OIP5: variants seen among roughly 807,000 people sequenced by gnomAD.
The protein encoded by OIP5 is protein Mis18-beta.
In OIP5, 24 loss-of-function variants were observed where a neutral mutation model predicts 20.3. That is an observed-to-expected ratio of 1.18 (90% CI 0.86 to 1.66). OIP5 has a LOEUF of 1.66. Among genes scored for constraint, OIP5 ranks in the 40% most tolerant of loss-of-function variants. The probability of loss-of-function intolerance (pLI) is 0.00; values close to 1 mark genes in which losing one functional copy is unlikely to be tolerated. For synonymous variants in OIP5, 143 were observed against 121.3 expected, an observed-to-expected ratio of 1.18 and a Z score of -1.17; for missense variants, 339 against 289.5, an observed-to-expected ratio of 1.17 and a Z score of -1.24.
At chr15:41,327,391 C>G (rs8033864) in intron 2 of OIP5, among the ~76,000 whole-genome samples, 4 of 151,952 alleles carry the variant, frequency 2.6e-5, no homozygotes, top group Admixed American at 1.3e-4. Flanking sequence ...GTCATCCAGG[C>G]TGGTGTTGAA....
intron 3 of OIP5, among the ~76,000 whole-genome samples, chr15:41,315,689 AAT>A (rs979708541): frequency 5.9e-5 from 9 of 152,196 alleles, no homozygotes; most frequent in South Asian, 2.1e-4. Flanking sequence ...TTATGTTAAA[AAT>A]ATGTTACTAA....
At chr15:41,325,538 T>C (rs560595785) in intron 2 of OIP5, among the ~76,000 whole-genome samples, 1 of 150,590 alleles carries the variant, frequency 6.6e-6, no homozygotes, top group African/African-American at 2.4e-5. Context: ...AACCTTCAAT[T>C]TGTTAAAAAA....
intron 1 of OIP5, 113 bp downstream of exon 1, chr15:41,332,127 C>A: frequency 7.2e-7 from 1 of 1,379,906 alleles, no homozygotes; most frequent in Non-Finnish European, 1.0e-6. Flanking sequence ...TTATTTGCTT[C>A]CAACTTTTCA....
rs1487261382 is a variant in OIP5 at position 41,314,930 on chromosome 15, C to G, written c.513-1576G>C. ...TACAGCTGTGAGCCAACATGCCTGG[C>G]CAGCGAAACCCCATCTCTACAAAAA... On this transcript the variant is annotated intron_variant, in intron 3 of 4. Transcript: ENST00000220514. 5.3e-5 allele frequency among the ~76,000 whole-genome samples: 8 copies of G among 151,450 alleles called. No individual in the cohort carries two copies. The East Asian group carries it at 1.6e-3, about 30-fold the overall frequency.
chr15:41,318,184 A>G (rs2047799844), intron 3 of OIP5, among the ~76,000 whole-genome samples: 1 of 152,130 alleles, frequency 6.6e-6, no homozygotes, highest in African/African-American at 2.4e-5. Flanking sequence ...TTTTTCTGAG[A>G]CAGAGTCTAG....
intron 4 of OIP5, among the ~76,000 whole-genome samples, chr15:41,310,544 G>A (rs1595497527): frequency 6.6e-6 from 1 of 151,506 alleles, no homozygotes; most frequent in Non-Finnish European, 1.5e-5. Flanking sequence ...GCAAGAGAAT[G>A]AGTGAACCCA....
At chr15:41,328,306 A>T (rs1426742833) in intron 2 of OIP5, among the ~76,000 whole-genome samples, 2 of 152,362 alleles carry the variant, frequency 1.3e-5, no homozygotes, top group East Asian at 3.9e-4. Flanking sequence ...GGCGTGAGCC[A>T]GCATGATAAG....
rs1173395181 is a variant in OIP5, at chr15:41,326,120, C to T, written c.389+5795G>A. 2.0e-5 allele frequency among the ~76,000 whole-genome samples: 3 copies of T among 152,246 alleles called. No homozygotes were observed. In the East Asian group the frequency reaches 5.8e-4, roughly 29 times the overall value. On this transcript the variant is annotated intron_variant, in intron 2 of 4. Coordinates refer to ENST00000220514, the MANE Select transcript of OIP5 (RefSeq NM_007280.2). ...GAGGTTTCAGTGAGCCGAGATAATG[C>T]CACTGGACTCTAGCCTAGGTGACAG...
At chr15:41,312,793 T>C (rs1301730662) in intron 4 of OIP5, among the ~76,000 whole-genome samples, 1 of 151,138 alleles carries the variant, frequency 6.6e-6, no homozygotes, top group African/African-American at 2.4e-5. Flanking sequence ...CACGCCCGGC[T>C]AATTTTTTGT....
At chr15:41,316,607 A>G (rs2140460337) in intron 3 of OIP5, among the ~76,000 whole-genome samples, 1 of 151,742 alleles carries the variant, frequency 6.6e-6, no homozygotes, top group East Asian at 1.9e-4. Flanking sequence ...TGGCTAACAC[A>G]GTGAAACCCC....
intron 3 of OIP5, among the ~76,000 whole-genome samples, chr15:41,318,648 T>C (rs1054266011): frequency 1.3e-5 from 2 of 152,112 alleles, no homozygotes; most frequent in African/African-American, 4.8e-5. Context: ...GGTATGACTT[T>C]TAAGATATGG....
In OIP5 at chr15:41,327,429, G is replaced by A. The variant is rs143923769; in HGVS notation, c.389+4486C>T. ...CCTGACCTCGTGATCCTCCCGCCTC[G>A]GCCTCCCAAAGTGCTGGGATTACAG... On this transcript the variant is annotated intron_variant, in intron 2 of 4. Coordinates refer to ENST00000220514, the MANE Select transcript of OIP5 (RefSeq NM_007280.2). 1.6e-3 allele frequency among the ~76,000 whole-genome samples: 250 copies of A among 151,856 alleles called. 3 individuals carry two copies. The East Asian group carries it at 0.04, about 25-fold the overall frequency.
intron 1 of OIP5, 68 bp downstream of exon 1, chr15:41,332,172 C>A: frequency 6.8e-7 from 1 of 1,471,142 alleles, no homozygotes; most frequent in Middle Eastern, 1.8e-4. Flanking sequence ...CTCCGCCACC[C>A]GGTGGAGAAA....
intron 2 of OIP5, among the ~76,000 whole-genome samples, chr15:41,329,573 C>G (rs528912502): frequency 2.6e-5 from 4 of 152,244 alleles, no homozygotes; most frequent in African/African-American, 9.6e-5. Flanking sequence ...CTTGGCCTCC[C>G]AAAGTGCTGG....
intron 3 of OIP5, 133 bp from the exon 4 acceptor site, chr15:41,313,487 A>G (rs2047772008): frequency 1.7e-6 from 1 of 585,702 alleles, no homozygotes; most frequent in African/African-American, 1.9e-5. Context: ...AAGACTCATG[A>G]TGTTACAGTT....
chr15:41,332,566 C>T lies in OIP5; in HGVS notation c.-5G>A, dbSNP rs374158292. On this transcript the variant is annotated 5_prime_UTR_variant, in exon 1 of 5. Transcript: ENST00000220514. Reference sequence around the variant, plus strand: ...CCGCAGCGGCTGAGCCGCCATCTTCCCGCAGCCGGCGCCTTCCTTTCGAAT... The same window carrying T: ...CCGCAGCGGCTGAGCCGCCATCTTCTCGCAGCCGGCGCCTTCCTTTCGAAT... 2.6e-5 allele frequency: 42 copies of T among 1,593,216 alleles called. No homozygotes were observed. The highest frequency in any genetic ancestry group is 2.2e-4 in the African/African-American group (16 of 73,808).
chr15:41,332,158 G>C, intron 1 of OIP5, 82 bp downstream of exon 1: 1 of 1,438,438 alleles, frequency 7.0e-7, no homozygotes, highest in Non-Finnish European at 9.5e-7. Context: ...TTCCCCAGGT[G>C]GTTCTCCGCC....
At position 41,325,542 on chromosome 15, in the gene OIP5, TA is replaced by T. The variant is rs537907792; in HGVS notation, c.390-5763del. 3.9e-3 allele frequency among the ~76,000 whole-genome samples: 550 copies of T among 139,828 alleles called. 2 individuals are homozygous for T. The highest frequency in any genetic ancestry group is 3.4e-3 in the Non-Finnish European group (219 of 63,708). 91.7% of individuals were successfully genotyped at this position (139,828 alleles called of 152,430 possible). A position where few individuals can be genotyped will look rare whatever the true frequency, so the allele number is the denominator to read the frequency against. On this transcript the variant is annotated intron_variant, in intron 2 of 4. Coordinates refer to ENST00000220514, the MANE Select transcript of OIP5 (RefSeq NM_007280.2). Reference sequence around the variant, plus strand: ...AGCTTGTCACAAACCTTCAATTTGTTAAAAAAAAAAAAAAATGCAGTCCCTG... The same window carrying T: ...AGCTTGTCACAAACCTTCAATTTGTTAAAAAAAAAAAAAATGCAGTCCCTG...
At position 41,332,565 on chromosome 15, in the gene OIP5, C is replaced by T. The variant is rs751909988; in HGVS notation, c.-4G>A. 2.4e-5 allele frequency: 38 copies of T among 1,594,592 alleles called. No homozygotes were observed. Among genetic ancestry groups the T allele is most frequent in the Non-Finnish European group, 3.0e-5 (35 of 1,171,282 alleles). On this transcript the variant is annotated 5_prime_UTR_variant, in exon 1 of 5. Coordinates refer to ENST00000220514, the MANE Select transcript of OIP5 (RefSeq NM_007280.2). The stretch of plus-strand genomic sequence containing the variant: ...GCCGCAGCGGCTGAGCCGCCATCTT[C>T]CCGCAGCCGGCGCCTTCCTTTCGAA...
Sources: allele counts gnomAD v4.1 joint callset (sites outside exome capture counted in the v4.1 genomes callset), GRCh38; gene constraint gnomAD v4.1.1; transcripts MANE v1.5; gene names NCBI Gene and HGNC (gene_info 2026-07-23, HGNC 2026-07-21).